The following ING2 variants were observed in gnomAD, a reference collection of about 807,000 sequenced individuals.
ING2 encodes inhibitor of growth protein 2.
In ING2, 7 loss-of-function variants were observed where a neutral mutation model predicts 30.6. That is an observed-to-expected ratio of 0.23 (90% CI 0.13 to 0.43). ING2 has a LOEUF of 0.43. Ranked by LOEUF, ING2 falls within the 20% of genes least tolerant of loss-of-function variation. The pLI, the probability that ING2 is intolerant of heterozygous loss-of-function variation, is 1.00. For synonymous variants in ING2, 136 were observed against 121.7 expected, an observed-to-expected ratio of 1.12 and a Z score of -0.78; for missense variants, 239 against 334.9, an observed-to-expected ratio of 0.71 and a Z score of 2.24.
Position 183,510,707 on chromosome 4 carries a change from G to A in ING2, c.598G>A (p.Ala200Thr), listed in dbSNP as rs199568047. The A allele has an allele frequency of 6.2e-7, 1 of 1,614,088 alleles. No homozygotes were observed. Among genetic ancestry groups the A allele is most frequent in the Admixed American group, 1.7e-5 (1 of 60,014 alleles). Residue 200 changes from alanine to threonine, a missense_variant, in exon 2 of 2, where the codon GCT becomes ACT. Physicochemically the swap from Ala to Thr is moderately conservative, Grantham distance 58. This residue lies in a region of ING2 where 115 missense variants were observed against 120.1 expected (regional missense o/e 0.96). Coordinates refer to ENST00000302327, the MANE Select transcript of ING2 (RefSeq NM_001564.4). ...KRSKAKQERE[A>T]SPVEFAIDPN... Reference sequence around the variant, plus strand: ...CTCCAAGGCCAAGCAGGAAAGGGAAGCTTCACCTGTTGAGTTTGCAATAGA... The same window carrying A: ...CTCCAAGGCCAAGCAGGAAAGGGAAACTTCACCTGTTGAGTTTGCAATAGA...
intron 1 of ING2, chr4:183,506,331 A>G (rs757221747): frequency 7.7e-7 from 1 of 1,300,520 alleles, no homozygotes; most frequent in South Asian, 1.2e-5. Context: ...AGGTTCCGGG[A>G]CATGTGTCAC....
At chr4:183,508,211 A>G in intron 1 of ING2, among the ~76,000 whole-genome samples, 1 of 152,006 alleles carries the variant, frequency 6.6e-6, no homozygotes. Flanking sequence ...GTAAATGTTA[A>G]TTTCTTGTCT....
At chr4:183,509,457 T>A (rs1192658757) in intron 1 of ING2, among the ~76,000 whole-genome samples, 3 of 151,984 alleles carry the variant, frequency 2.0e-5, no homozygotes, top group African/African-American at 7.2e-5. Flanking sequence ...CCTTTTTTTT[T>A]TTTTTTGAGA....
chr4:183,506,125 C>T (rs924231373), intron 1 of ING2: 13 of 1,226,250 alleles, frequency 1.1e-5, no homozygotes, highest in Non-Finnish European at 1.3e-5. Context: ...TGGAAAATGG[C>T]TGGTCGCGAG....
chr4:183,510,300 A>G lies in ING2; in HGVS notation c.191A>G (p.Asp64Gly). ...TTTTTAGAAACGTTAAAGGAAATTG[A>G]TGATGTCTACGAAAAATATAAGAAA... ...NKYQETLKEI[D>G]DVYEKYKKED... The change falls in exon 2 of 2, where the codon GAT becomes GGT. Residue 64 changes from aspartate (D) to glycine (G), a missense_variant. Coordinates refer to ENST00000302327, the MANE Select transcript of ING2 (RefSeq NM_001564.4). 6.3e-7 allele frequency: 1 copy of G among 1,584,904 alleles called. No individual in the cohort carries two copies. Among genetic ancestry groups the G allele is most frequent in the South Asian group, 1.2e-5 (1 of 85,662 alleles).
chr4:183,506,316 C>G (rs182791509), intron 1 of ING2: 27 of 1,303,702 alleles, frequency 2.1e-5, no homozygotes, highest in Non-Finnish European at 2.6e-5. Flanking sequence ...ATCCTGGCTC[C>G]GCGTAGGTTC....
chr4:183,511,104 C>T lies in ING2; in HGVS notation c.*152C>T, dbSNP rs1734812808. 1 of 620,804 alleles carries T rather than the reference C, an allele frequency of 1.6e-6. No homozygotes were observed. The allele number at this position is 620,804 out of a possible 1,614,324, so 38.5% of individuals were successfully genotyped here. ...AAAAGTTGTTGTACTTTGTCTGTGA[C>T]CTTAATTTTCTGCACTGAGTTACCA... On this transcript the variant is annotated 3_prime_UTR_variant, in exon 2 of 2. Coordinates refer to ENST00000302327, the MANE Select transcript of ING2 (RefSeq NM_001564.4).
At chr4:183,508,557 C>G (rs183998773) in intron 1 of ING2, among the ~76,000 whole-genome samples, 1 of 152,300 alleles carries the variant, frequency 6.6e-6, no homozygotes, top group African/African-American at 2.4e-5. Flanking sequence ...CCAAGTTAGA[C>G]AGTTGTACAT....
At chr4:183,509,449 T>A (rs1424627445) in intron 1 of ING2, among the ~76,000 whole-genome samples, 1 of 130,806 alleles carries the variant, frequency 7.6e-6, no homozygotes. Flanking sequence ...TCTCTTATCC[T>A]TTTTTTTTTT....
At chr4:183,509,734 CTTTT>C (rs35064658) in intron 1 of ING2, among the ~76,000 whole-genome samples, 4 of 116,084 alleles carry the variant, frequency 3.4e-5, no homozygotes, top group Admixed American at 9.0e-5. Flanking sequence ...CGCGCCTGGC[CTTTT>C]TTTTTTTTTT....
intron 1 of ING2, 30 bp from the exon 2 acceptor site, chr4:183,510,252 A>T: frequency 6.9e-7 from 1 of 1,440,358 alleles, no homozygotes; most frequent in African/African-American, 1.4e-5. Context: ...ACACATGATA[A>T]CGTTCTCATT....
At chr4:183,505,442 C>T in intron 1 of ING2, 75 bp downstream of exon 1, 1 of 1,359,338 alleles carries the variant, frequency 7.4e-7, no homozygotes, top group South Asian at 1.4e-5. Context: ...CCTTCCCTTT[C>T]TCCCGTGACA....
At chr4:183,506,003 G>A (rs1734633839) in intron 1 of ING2, 3 of 846,894 alleles carry the variant, frequency 3.5e-6, no homozygotes, top group African/African-American at 1.9e-5. Context: ...GGGGTCCCCC[G>A]CGGGAGAGGA....
chr4:183,506,169 G>A, intron 1 of ING2: 1 of 1,287,884 alleles, frequency 7.8e-7, no homozygotes, highest in Non-Finnish European at 1.0e-6. Context: ...TGGGGAGGGA[G>A]TCGGGGCTGT....
intron 1 of ING2, among the ~76,000 whole-genome samples, chr4:183,505,722 AG>A (rs1486280504): frequency 5.3e-5 from 8 of 150,394 alleles, no homozygotes; most frequent in Non-Finnish European, 1.0e-4. Flanking sequence ...CAGCCGGGCA[AG>A]GGTCGGAGGG....
At chr4:183,505,419 C>T (rs989222941) in intron 1 of ING2, 52 bp downstream of exon 1, 2 of 1,452,610 alleles carry the variant, frequency 1.4e-6, no homozygotes, top group Non-Finnish European at 1.9e-6. Context: ...GGAGCCTGTC[C>T]GGGGGAGTGC....
At position 183,505,298 on chromosome 4, in the gene ING2, G is replaced by T. The variant is rs1734607900; in HGVS notation, c.103G>T (p.Val35Leu). 6.4e-7 allele frequency: 1 copy of T among 1,569,318 alleles called. No homozygotes were observed. The highest frequency in any genetic ancestry group is 8.6e-7 in the Non-Finnish European group (1 of 1,158,622). Residue 35 changes from valine (V) to leucine (L), a missense_variant, in exon 1 of 2, where the codon GTG (valine) becomes TTG (leucine). By Grantham distance (32) the Val-to-Leu change is conservative. Coordinates refer to ENST00000302327, the MANE Select transcript of ING2 (RefSeq NM_001564.4). ...CTACGTGCAGGACTACCTTGAGTGC[G>T]TGGAGTCGCTGCCCCACGACATGCA... is the stretch of plus-strand genomic sequence containing the variant. Reference protein sequence around the residue: ...TCYVQDYLECVESLPHDMQRN... With the variant: ...TCYVQDYLECLESLPHDMQRN...
chr4:183,509,852 C>G (rs1157193188), intron 1 of ING2, among the ~76,000 whole-genome samples: 2 of 151,660 alleles, frequency 1.3e-5, no homozygotes, highest in Non-Finnish European at 2.9e-5. Flanking sequence ...TCTGCCTCAG[C>G]CTCCCAAGTA....
In ING2 at chr4:183,505,366, A is replaced by C; in HGVS notation, c.171A>C (p.Gln57His). The C allele has an allele frequency of 1.3e-6, 2 of 1,532,222 alleles. No homozygotes were observed. Among genetic ancestry groups the C allele is most frequent in the Non-Finnish European group, 1.8e-6 (2 of 1,138,258 alleles). The allele number at this position is 1,532,222 out of a possible 1,614,324, so 94.9% of individuals were successfully genotyped here. A position where few individuals can be genotyped will look rare whatever the true frequency, so the allele number is the denominator to read the frequency against. Reference sequence around the variant, plus strand: ...TGCGAGAGCTGGACAACAAATATCAAGGTAGGAGCCGCGGGGCTGCCGGCC... The same window carrying C: ...TGCGAGAGCTGGACAACAAATATCACGGTAGGAGCCGCGGGGCTGCCGGCC... The part of the protein sequence containing the change: ...SVLRELDNKY[Q>H]ETLKEIDDVY... The change falls in exon 1 of 2, where the codon CAA becomes CAC. Residue 57 changes from glutamine (Q) to histidine (H), a missense_variant and splice_region_variant. Transcript: ENST00000302327.
Sources: gnomAD v4.1 joint callset for allele counts (sites outside exome capture counted in the v4.1 genomes callset) on GRCh38, gnomAD v4.1.1 for gene constraint, gnomAD v4.1.1 regional missense constraint, MANE v1.5 for transcripts, NCBI Gene and HGNC (gene_info 2026-07-23, HGNC 2026-07-21) for gene names.